The following TMEM120B variants were observed in gnomAD, a reference collection of about 807,000 sequenced individuals.
The protein encoded by TMEM120B is transmembrane protein 120B.
A neutral mutation model predicts 55.5 loss-of-function variants in TMEM120B; 31 were observed. That is an observed-to-expected ratio of 0.56 (90% CI 0.42 to 0.75). The LOEUF (loss-of-function observed/expected upper bound fraction) is 0.75. Among genes scored for constraint, TMEM120B ranks in the 30% least tolerant of loss-of-function variants. The pLI, the probability that TMEM120B is intolerant of heterozygous loss-of-function variation, is 0.00. For synonymous variants in TMEM120B, 203 were observed against 176.3 expected (o/e 1.15, Z -1.20); for missense variants, 399 against 425.5 (o/e 0.94, Z 0.55).
At chr12:121,759,140 A>T (rs780137294) in intron 5 of TMEM120B, among the ~76,000 whole-genome samples, 11 of 119,330 alleles carry the variant, frequency 9.2e-5, no homozygotes, top group African/African-American at 3.8e-4. Flanking sequence ...TTTTTTTCTG[A>T]GGTGGAGTCT....
intron 1 of TMEM120B, among the ~76,000 whole-genome samples, chr12:121,722,748 A>G (rs1439412333): frequency 6.6e-6 from 1 of 152,202 alleles, no homozygotes; most frequent in Non-Finnish European, 1.5e-5. Context: ...TATCATGGAA[A>G]TTCAGACAGG....
rs780415903 is a variant in TMEM120B at position 121,779,708 on chromosome 12, TCTC to T, written c.*3989_*3991del. ...GCATTAGGTGAGGGGCCCCTGGAGGTCTCCTAGCACCACCTGGTGGGTTTGGGA... is the reference window on the plus strand; with the variant it reads ...GCATTAGGTGAGGGGCCCCTGGAGGTCTAGCACCACCTGGTGGGTTTGGGA... On this transcript the variant is annotated 3_prime_UTR_variant, in exon 12 of 12. Coordinates refer to ENST00000449592, the MANE Select transcript of TMEM120B (RefSeq NM_001080825.2). 26 of 1,604,772 alleles carry T rather than the reference TCTC, an allele frequency of 1.6e-5. No homozygotes were observed. The highest frequency in any genetic ancestry group is 2.1e-5 in the Non-Finnish European group (25 of 1,174,760).
At chr12:121,730,452 C>T (rs1243641655) in intron 1 of TMEM120B, among the ~76,000 whole-genome samples, 1 of 144,120 alleles carries the variant, frequency 6.9e-6, no homozygotes, top group African/African-American at 2.6e-5. Context: ...CGAGACCATC[C>T]TGGCCAATAT....
At chr12:121,729,839 A>G (rs900750180) in intron 1 of TMEM120B, among the ~76,000 whole-genome samples, 1 of 152,064 alleles carries the variant, frequency 6.6e-6, no homozygotes, top group Non-Finnish European at 1.5e-5. Flanking sequence ...ATATTTGTAC[A>G]CCCATGCTCA....
chr12:121,715,883 C>G (rs570564046), intron 1 of TMEM120B, among the ~76,000 whole-genome samples: 46 of 151,698 alleles, frequency 3.0e-4, no homozygotes, highest in Non-Finnish European at 5.9e-4. Flanking sequence ...TGCCTTCTCA[C>G]GTTCCCCTTC....
At chr12:121,715,596 TGATGGGGGAACTA>T (rs982196019) in intron 1 of TMEM120B, among the ~76,000 whole-genome samples, 7 of 152,058 alleles carry the variant, frequency 4.6e-5, no homozygotes, top group African/African-American at 7.2e-5. Context: ...GCTCGGTTCA[TGATGGGGGAACTA>T]GAAGGGACTG....
At chr12:121,750,463 C>A (rs1199166674) in intron 4 of TMEM120B, 24 bp downstream of exon 4, 3 of 1,603,230 alleles carry the variant, frequency 1.9e-6, no homozygotes, top group South Asian at 1.1e-5. Flanking sequence ...ACCCACCACC[C>A]AGACCCACAC....
At chr12:121,771,412 G>T (rs540617880) in intron 7 of TMEM120B, 76 bp from the exon 8 acceptor site, 1 of 1,291,282 alleles carries the variant, frequency 7.7e-7, no homozygotes, top group Non-Finnish European at 1.1e-6. Flanking sequence ...CTTCTGGTTG[G>T]AATGGAGTTG....
Position 121,781,283 on chromosome 12 carries a change from G to T in TMEM120B, c.*5561G>T. ...GGGAAGGGGCCAGGCAAGTGACCCT[G>T]CCTTAGGGCCTCAATTTCCTCATCT... On this transcript the variant is annotated 3_prime_UTR_variant, in exon 12 of 12. Coordinates refer to ENST00000449592, the MANE Select transcript of TMEM120B (RefSeq NM_001080825.2). 9.1e-7 allele frequency: 1 copy of T among 1,103,710 alleles called. No homozygotes were observed. Among genetic ancestry groups the T allele is most frequent in the Non-Finnish European group, 1.3e-6 (1 of 748,828 alleles). The allele number at this position is 1,103,710 out of a possible 1,614,324, so 68.4% of individuals were successfully genotyped here. A position where few individuals can be genotyped will look rare whatever the true frequency, so the allele number is the denominator to read the frequency against.
chr12:121,720,240 C>T (rs962000265), intron 1 of TMEM120B, among the ~76,000 whole-genome samples: 4 of 152,134 alleles, frequency 2.6e-5, no homozygotes, highest in African/African-American at 4.8e-5. Flanking sequence ...CCCCACTTAC[C>T]GCTCCCGTAA....
intron 6 of TMEM120B, among the ~76,000 whole-genome samples, chr12:121,769,973 C>T (rs1002972955): frequency 1.3e-5 from 2 of 152,076 alleles, no homozygotes; most frequent in South Asian, 2.1e-4. Flanking sequence ...TCAGATAAGG[C>T]GGTCAGGAGG....
intron 6 of TMEM120B, among the ~76,000 whole-genome samples, chr12:121,762,717 G>A (rs1320854903): frequency 2.0e-5 from 3 of 152,172 alleles, no homozygotes; most frequent in Non-Finnish European, 4.4e-5. Flanking sequence ...GGTCTTCTAC[G>A]GGGAGATAGA....
chr12:121,739,827 A>G, intron 1 of TMEM120B, among the ~76,000 whole-genome samples: 1 of 132,378 alleles, frequency 7.6e-6, no homozygotes. Context: ...TTTTTGAGAC[A>G]GAGTGCAGTG....
At chr12:121,768,243 C>T (rs1431398239) in intron 6 of TMEM120B, among the ~76,000 whole-genome samples, 1 of 152,212 alleles carries the variant, frequency 6.6e-6, no homozygotes, top group Non-Finnish European at 1.5e-5. Context: ...TGGTGGCATC[C>T]AGATTAGCTG....
In TMEM120B at chr12:121,758,299, CCA is replaced by C. The variant is rs1566520272; in HGVS notation, c.462-3345_462-3344del. 4 of 985,386 alleles carry C rather than the reference CCA, an allele frequency of 4.1e-6. 1 individual carries two copies. In the South Asian group the frequency reaches 1.9e-4, roughly 46 times the overall value. The allele number at this position is 985,386 out of a possible 1,614,324, so 61.0% of individuals were successfully genotyped here. ...GAGGCCAGTGGGGCTCTGATAATCC[CCA>C]CACAGCGGTCTGCCGGCCCTCCATG... On this transcript the variant is annotated intron_variant, in intron 5 of 11. Coordinates refer to ENST00000449592, the MANE Select transcript of TMEM120B (RefSeq NM_001080825.2).
chr12:121,713,041 G>A, intron 1 of TMEM120B, 77 bp downstream of exon 1: 1 of 1,279,064 alleles, frequency 7.8e-7, no homozygotes, highest in Non-Finnish European at 1.1e-6. Flanking sequence ...CCCCCGGCCC[G>A]GGCGGTGGGG....
rs769187737 is a variant in TMEM120B at position 121,775,248 on chromosome 12, G to T, written c.906+118G>T. The T allele has an allele frequency of 5.5e-6, 6 of 1,099,142 alleles. No homozygotes were observed. The highest frequency in any genetic ancestry group is 7.7e-6 in the Non-Finnish European group (6 of 779,342). 68.1% of individuals were successfully genotyped at this position (1,099,142 alleles called of 1,614,324 possible). A position where few individuals can be genotyped will look rare whatever the true frequency, so the allele number is the denominator to read the frequency against. On this transcript the variant is annotated intron_variant, in intron 11 of 11. Coordinates refer to ENST00000449592, the MANE Select transcript of TMEM120B (RefSeq NM_001080825.2). The surrounding 1 kb of genome is among the most constrained non-coding windows in gnomAD (Gnocchi z 4.3). ...CCTGGGGAGGGCTGGGATGGCAGAT[G>T]TGGGGGTGGGGTGTGTGCGTGTGTG...
Position 121,750,543 on chromosome 12 carries a change from C to T in TMEM120B, c.365+104C>T, listed in dbSNP as rs1389227454. 9.6e-6 allele frequency: 8 copies of T among 837,356 alleles called. No individual in the cohort carries two copies. In the East Asian group the frequency reaches 1.9e-4, roughly 20 times the overall value. The allele number at this position is 837,356 out of a possible 1,614,324, so 51.9% of individuals were successfully genotyped here. ...TGAGAACCCACACCCCACATCCACA[C>T]CCACACCAACACCCCACACCTCAAA... On this transcript the variant is annotated intron_variant, in intron 4 of 11. Coordinates refer to ENST00000449592, the MANE Select transcript of TMEM120B (RefSeq NM_001080825.2).
At chr12:121,724,278 G>T (rs543042252) in intron 1 of TMEM120B, among the ~76,000 whole-genome samples, 38 of 151,812 alleles carry the variant, frequency 2.5e-4, no homozygotes, top group Non-Finnish European at 4.0e-4. Flanking sequence ...TTCGTGATCC[G>T]CCCGCCTCAG....
Sources: gnomAD v4.1 joint callset for allele counts (sites outside exome capture counted in the v4.1 genomes callset) on GRCh38, gnomAD v4.1.1 for gene constraint, Gnocchi (gnomAD v3.1) non-coding constraint, MANE v1.5 for transcripts, NCBI Gene and HGNC (gene_info 2026-07-23, HGNC 2026-07-21) for gene names.